The following NLRP7 variants were observed in gnomAD, a reference collection of about 807,000 sequenced individuals.
NLRP7 encodes the protein NLR family pyrin domain containing 7, also known as NACHT, LRR and PYD domains-containing protein 7.
Under a neutral mutation model 85.5 loss-of-function variants are expected in NLRP7, and 72 were observed. The observed-to-expected ratio is 0.84, with a 90% CI of 0.70 to 1.02. NLRP7 has a LOEUF of 1.02. Ranked by LOEUF, NLRP7 falls within the 50% of genes least tolerant of loss-of-function variation. The pLI is 0.00. For synonymous variants in NLRP7, 550 were observed against 505.2 expected, an observed-to-expected ratio of 1.09 and a Z score of -1.19; for missense variants, 1,243 against 1,219.5, an observed-to-expected ratio of 1.02 and a Z score of -0.29.
chr19:54,925,992 G>C (rs2068418024), intron 9 of NLRP7, among the ~76,000 whole-genome samples: 1 of 151,070 alleles, frequency 6.6e-6, no homozygotes, highest in Non-Finnish European at 1.5e-5. Flanking sequence ...AGAGACTGGA[G>C]TCTCTGTCTC....
chr19:54,933,525 C>T, intron 8 of NLRP7, 44 bp downstream of exon 8: 1 of 1,605,980 alleles, frequency 6.2e-7, no homozygotes, highest in Non-Finnish European at 8.5e-7. Context: ...GTCTCTCCTG[C>T]TTGAATTCAT....
Position 54,927,730 on chromosome 19 carries a change from T to A in NLRP7, c.2810+2769A>T, listed in dbSNP as rs201545577. On this transcript the variant is annotated intron_variant, in intron 9 of 9. Coordinates refer to ENST00000340844, the Ensembl canonical transcript of NLRP7. ...GCTTCTGATTGCTGAGGAGAGCAGA[T>A]CCAAGATGCTGACAATAGAAAGGCA... 5.8e-5 allele frequency: 94 copies of A among 1,613,984 alleles called. No homozygotes were observed. Among genetic ancestry groups the A allele is most frequent in the Non-Finnish European group, 7.5e-5 (88 of 1,180,006 alleles).
upstream of NLRP7, among the ~76,000 whole-genome samples, chr19:54,950,950 C>T (rs1412478438): frequency 1.3e-5 from 2 of 152,196 alleles, no homozygotes; most frequent in African/African-American, 2.4e-5. Flanking sequence ...GTCCCTGCGG[C>T]CTTCCGCAGT....
At chr19:54,924,475 T>C (rs2068349627) in intron 9 of NLRP7, among the ~76,000 whole-genome samples, 1 of 151,662 alleles carries the variant, frequency 6.6e-6, no homozygotes, top group Non-Finnish European at 1.5e-5. Context: ...ATAGAAAAAG[T>C]TAGCCAGGAA....
chr19:54,926,811 G>A (rs2068457855), intron 9 of NLRP7, among the ~76,000 whole-genome samples: 1 of 151,736 alleles, frequency 6.6e-6, no homozygotes. Context: ...AGCTACTCAG[G>A]AGGCTGAGGC....
chr19:54,936,121 C>T, intron 6 of NLRP7, 140 bp downstream of exon 6: 1 of 746,792 alleles, frequency 1.3e-6, no homozygotes, highest in Non-Finnish European at 2.4e-6. Context: ...GAGAGGCCGA[C>T]TCCCCCACAC....
At chr19:54,961,248 C>T (rs1477036737) in intron 1 of NLRP7, among the ~76,000 whole-genome samples, 1 of 151,890 alleles carries the variant, frequency 6.6e-6, no homozygotes, top group East Asian at 1.9e-4. Context: ...CAGTGTCTCA[C>T]GCCTGTAATT....
At chr19:54,932,052 C>T (rs1031979630) in intron 8 of NLRP7, among the ~76,000 whole-genome samples, 2 of 152,118 alleles carry the variant, frequency 1.3e-5, no homozygotes, top group Non-Finnish European at 2.9e-5. Context: ...CTGACACATT[C>T]TACATATATA....
At chr19:54,964,622 A>T (rs1297193189) in intron 1 of NLRP7, among the ~76,000 whole-genome samples, 6 of 151,530 alleles carry the variant, frequency 4.0e-5, no homozygotes, top group Non-Finnish European at 7.4e-5. Context: ...CAGGAGTTTG[A>T]GACCAGCCTG....
chr19:54,949,922 G>A (rs2069614960), upstream of NLRP7, among the ~76,000 whole-genome samples: 1 of 152,014 alleles, frequency 6.6e-6, no homozygotes, highest in South Asian at 2.1e-4. Context: ...GGACAAAATA[G>A]CAAGACCCTG....
intron 8 of NLRP7, among the ~76,000 whole-genome samples, chr19:54,931,545 A>G (rs2068676672): frequency 1.3e-5 from 2 of 152,090 alleles, no homozygotes; most frequent in South Asian, 2.1e-4. Flanking sequence ...AAAATTAGCC[A>G]GGTGTGGTGG....
At chr19:54,929,324 C>T (rs1411610375) in intron 9 of NLRP7, among the ~76,000 whole-genome samples, 1 of 152,032 alleles carries the variant, frequency 6.6e-6, no homozygotes, top group Non-Finnish European at 1.5e-5. Flanking sequence ...AAGATCGCAC[C>T]ACTGCACTCC....
chr19:54,945,575 T>C (rs2069433630), intron 1 of NLRP7, among the ~76,000 whole-genome samples: 1 of 151,108 alleles, frequency 6.6e-6, no homozygotes. Flanking sequence ...TGGCCAAGTA[T>C]TTTTTTTCCC....
At chr19:54,964,288 C>G (rs1282467941) in intron 1 of NLRP7, among the ~76,000 whole-genome samples, 2 of 140,780 alleles carry the variant, frequency 1.4e-5, no homozygotes, top group African/African-American at 5.2e-5. Flanking sequence ...GCGATCTCGG[C>G]TCACTGCAAG....
chr19:54,963,557 C>A (rs979806549), intron 1 of NLRP7, among the ~76,000 whole-genome samples: 24 of 151,666 alleles, frequency 1.6e-4, no homozygotes, highest in Admixed American at 2.6e-4. Flanking sequence ...GGCGCAGTGG[C>A]TCATGCCTGT....
intron 8 of NLRP7, among the ~76,000 whole-genome samples, chr19:54,933,009 T>C (rs2068740738): frequency 6.6e-6 from 1 of 152,106 alleles, no homozygotes; most frequent in South Asian, 2.1e-4. Flanking sequence ...TACTATGTCA[T>C]AGGAATTTGA....
At position 54,953,550 on chromosome 19, in the gene NLRP7, T is replaced by C. The variant is rs533850663; in HGVS notation, c.-76-6045A>G. 2.7e-5 allele frequency among the ~76,000 whole-genome samples: 4 copies of C among 149,510 alleles called. No homozygotes were observed. In the East Asian group the frequency reaches 7.8e-4, roughly 29 times the overall value. ...GCTGTCTGCTTGTGGATTTCATTCCTGGGCCGCGGGGCTGTCTGCTTGTGG... is the reference window on the plus strand; with the variant it reads ...GCTGTCTGCTTGTGGATTTCATTCCCGGGCCGCGGGGCTGTCTGCTTGTGG... On this transcript the variant is annotated intron_variant, in intron 1 of 2. Coordinates refer to the NLRP7 transcript ENST00000587103.
intron 1 of NLRP7, among the ~76,000 whole-genome samples, 159 bp downstream of exon 1, chr19:54,947,310 G>A (rs1437175505): frequency 1.3e-5 from 2 of 151,390 alleles, no homozygotes; most frequent in Admixed American, 6.6e-5. Context: ...CTGGGCGACA[G>A]AGGGAGACTC....
exon 8 of NLRP7, chr19:54,933,612 A>T (rs769044628): frequency 2.5e-6 from 4 of 1,614,178 alleles, no homozygotes; most frequent in Non-Finnish European, 8.5e-7. Context: ...AAGCCCTCAC[A>T]CAGAAACTTC....
Sources: allele counts gnomAD v4.1 joint callset (sites outside exome capture counted in the v4.1 genomes callset), GRCh38; gene constraint gnomAD v4.1.1; transcripts MANE v1.5; gene names NCBI Gene and HGNC (gene_info 2026-07-23, HGNC 2026-07-21).